The following TACC1 variants were observed in gnomAD, a reference collection of about 807,000 sequenced individuals.
TACC1 encodes the protein transforming acidic coiled-coil containing protein 1.
A neutral mutation model predicts 84.4 loss-of-function variants in TACC1; 48 were observed. The observed-to-expected ratio is 0.57, with a 90% CI of 0.45 to 0.72. TACC1 has a LOEUF of 0.72. Among genes scored for constraint, TACC1 ranks in the 30% least tolerant of loss-of-function variants. TACC1 has a pLI of 0.00. For synonymous variants in TACC1, 372 were observed against 376.3 expected (o/e 0.99, Z 0.13); for missense variants, 920 against 973.0 (o/e 0.95, Z 0.72).
chr8:38,817,277 G>C (rs1238591805), intron 2 of TACC1, among the ~76,000 whole-genome samples: 4 of 152,170 alleles, frequency 2.6e-5, no homozygotes, highest in African/African-American at 9.7e-5. Context: ...CTGATGGCTT[G>C]TTTTTAGTTG....
chr8:38,803,780 A>T (rs1821994366), intron 2 of TACC1, among the ~76,000 whole-genome samples: 1 of 152,120 alleles, frequency 6.6e-6, no homozygotes, highest in Admixed American at 6.6e-5. Context: ...TATTGGCATG[A>T]TGGAGTGAGT....
At chr8:38,795,567 G>A (rs980206275) in intron 2 of TACC1, among the ~76,000 whole-genome samples, 1 of 152,250 alleles carries the variant, frequency 6.6e-6, no homozygotes, top group Non-Finnish European at 1.5e-5. Context: ...TGAAAGAGCA[G>A]TTGCAGTGTC....
chr8:38,786,808 C>A (rs1284719947), upstream of TACC1, among the ~76,000 whole-genome samples: 1 of 146,548 alleles, frequency 6.8e-6, no homozygotes, highest in Non-Finnish European at 1.5e-5. Context: ...CAACAGTCCA[C>A]AGCGGCCGCG....
At chr8:38,729,149 G>A (rs962790334) in intron 1 of TACC1, among the ~76,000 whole-genome samples, 2 of 152,124 alleles carry the variant, frequency 1.3e-5, no homozygotes, top group Non-Finnish European at 1.5e-5. Flanking sequence ...AACGGGGCGC[G>A]GCTGTTTTCC....
Position 38,817,919 on chromosome 8 carries a change from T to TAAAA in TACC1, c.278-1578_278-1575dup, listed in dbSNP as rs60301511. 1.3e-3 allele frequency among the ~76,000 whole-genome samples: 60 copies of TAAAA among 47,828 alleles called. 2 individuals are homozygous for TAAAA. Among genetic ancestry groups the TAAAA allele is most frequent in the Non-Finnish European group, 2.1e-3 (55 of 26,654 alleles). 31.4% of individuals were successfully genotyped at this position (47,828 alleles called of 152,430 possible). On this transcript the variant is annotated intron_variant, in intron 2 of 12. Transcript: ENST00000317827. ...CCTGGGCAACAGAGTGAGAGACCCC[T>TAAAA]AAAAAAAAAAAAAAAAAAAAAAAAA... is the stretch of plus-strand genomic sequence containing the variant.
intron 1 of TACC1, among the ~76,000 whole-genome samples, chr8:38,739,241 A>G (rs1474357170): frequency 6.6e-6 from 1 of 152,150 alleles, no homozygotes; most frequent in Non-Finnish European, 1.5e-5. Context: ...ATTCATACTG[A>G]TGTCTATAAC....
chr8:38,750,178 T>C (rs1397863577), intron 3 of TACC1, among the ~76,000 whole-genome samples: 1 of 152,160 alleles, frequency 6.6e-6, no homozygotes, highest in Admixed American at 6.5e-5. Flanking sequence ...AGCAAGATCC[T>C]GTCTCTTAAA....
At chr8:38,801,448 C>A (rs185350851) in intron 2 of TACC1, among the ~76,000 whole-genome samples, 1 of 152,132 alleles carries the variant, frequency 6.6e-6, no homozygotes, top group African/African-American at 2.4e-5. Context: ...TCCAGTTGTC[C>A]CAGCACCATT....
At chr8:38,742,733 G>A (rs910412389) in intron 2 of TACC1, among the ~76,000 whole-genome samples, 2 of 151,602 alleles carry the variant, frequency 1.3e-5, no homozygotes, top group Admixed American at 6.6e-5. Flanking sequence ...ATTTTATTTC[G>A]AGACAGAGTT....
At chr8:38,787,228 G>GGAGGCGGGAGTCCGC (rs1451121463), upstream of TACC1, 2 of 1,003,870 alleles carry the variant, frequency 2.0e-6, no homozygotes, top group Non-Finnish European at 2.4e-6. Context: ...CCGCCGGCCG[G>GGAGGCGGGAGTCCGC]GAGGCGGGAG....
chr8:38,767,723 T>G (rs944164157), intron 3 of TACC1, among the ~76,000 whole-genome samples: 1 of 151,964 alleles, frequency 6.6e-6, no homozygotes, highest in African/African-American at 2.4e-5. Context: ...TGGAATAAAA[T>G]GAGAGGGCCA....
chr8:38,848,088 T>A lies in TACC1; in HGVS notation c.*65T>A. The A allele has an allele frequency of 1.4e-6, 2 of 1,475,178 alleles. No individual in the cohort carries two copies. Among genetic ancestry groups the A allele is most frequent in the Non-Finnish European group, 1.9e-6 (2 of 1,072,874 alleles). The allele number at this position is 1,475,178 out of a possible 1,614,324, so 91.4% of individuals were successfully genotyped here. Reference sequence around the variant, plus strand: ...GCTTCTCTTGTGACCACAATTATCTTGCCTTATCCAGGAATAATTGCCCCT... The same window carrying A: ...GCTTCTCTTGTGACCACAATTATCTAGCCTTATCCAGGAATAATTGCCCCT... On this transcript the variant is annotated 3_prime_UTR_variant, in exon 13 of 13. Transcript: ENST00000317827.
chr8:38,842,343 G>A lies in TACC1; in HGVS notation c.2017G>A (p.Glu673Lys). 1 of 1,614,210 alleles carries A rather than the reference G, an allele frequency of 6.2e-7. No homozygotes were observed. Among genetic ancestry groups the A allele is most frequent in the Non-Finnish European group, 8.5e-7 (1 of 1,180,038 alleles). Residue 673 changes from glutamate to lysine, a missense_variant, in exon 10 of 13, where the codon GAG becomes AAG. By Grantham distance (56) the Glu-to-Lys change is moderately conservative. Transcript: ENST00000317827. Reference sequence around the variant, plus strand: ...GAAGAGCTTCCAGCAACTGACCATGGAGAAGGAACAGGCCCTGGCTGACCT... The same window carrying A: ...GAAGAGCTTCCAGCAACTGACCATGAAGAAGGAACAGGCCCTGGCTGACCT... ...SQKSFQQLTMEKEQALADLNS... is the reference protein window; with the variant it reads ...SQKSFQQLTMKKEQALADLNS...
rs1832977593 is a variant in TACC1 at position 38,850,777 on chromosome 8, A to C, written c.*2754A>C. The C allele has an allele frequency of 1.6e-5, 1 of 61,480 alleles. No individual in the cohort carries two copies. Among genetic ancestry groups the C allele is most frequent in the Non-Finnish European group, 3.4e-5 (1 of 29,034 alleles). 3.8% of individuals were successfully genotyped at this position (61,480 alleles called of 1,614,324 possible). A position where few individuals can be genotyped will look rare whatever the true frequency, so the allele number is the denominator to read the frequency against. On this transcript the variant is annotated 3_prime_UTR_variant, in exon 13 of 13. Transcript: ENST00000317827. ...TGGGTGACAGCAAGATCTTGTCTCA[A>C]AAAAAAAAAAAAAAAAAAAAAAACC... is the stretch of plus-strand genomic sequence containing the variant.
chr8:38,746,149 A>G (rs1808051382), intron 3 of TACC1, among the ~76,000 whole-genome samples: 1 of 152,172 alleles, frequency 6.6e-6, no homozygotes. Flanking sequence ...GTTATTTTAT[A>G]GTTTTAGGAG....
chr8:38,834,982 G>A (rs1014374280), intron 6 of TACC1, among the ~76,000 whole-genome samples: 4 of 152,108 alleles, frequency 2.6e-5, no homozygotes, highest in Non-Finnish European at 5.9e-5. Flanking sequence ...GGCCAGGCGC[G>A]GTGGCTCACG....
intron 3 of TACC1, among the ~76,000 whole-genome samples, chr8:38,775,010 CAAA>C (rs913147283): frequency 6.0e-5 from 5 of 83,750 alleles, no homozygotes; most frequent in Non-Finnish European, 9.7e-5. Flanking sequence ...GACTCCGTCT[CAAA>C]AAAAAAAAAA....
intron 1 of TACC1, among the ~76,000 whole-genome samples, chr8:38,737,255 C>T (rs1412165352): frequency 6.6e-6 from 1 of 152,184 alleles, no homozygotes; most frequent in Non-Finnish European, 1.5e-5. Context: ...TCCCCAGCAT[C>T]TGTGAGAATT....
chr8:38,732,116 TAAC>T (rs1805042431), intron 1 of TACC1, among the ~76,000 whole-genome samples: 1 of 90,976 alleles, frequency 1.1e-5, no homozygotes, highest in African/African-American at 4.1e-5. Context: ...TGTCTCAAAA[TAAC>T]AACAACAAAG....
Sources: allele counts gnomAD v4.1 joint callset (sites outside exome capture counted in the v4.1 genomes callset), GRCh38; gene constraint gnomAD v4.1.1; transcripts MANE v1.5; gene names NCBI Gene and HGNC (gene_info 2026-07-23, HGNC 2026-07-21).